GLIS3: variants seen among roughly 807,000 people sequenced by gnomAD.
GLIS3 encodes GLIS family zinc finger 3.
A neutral mutation model predicts 78.6 loss-of-function variants in GLIS3; 53 were observed. The observed-to-expected ratio is 0.67, with a 90% CI of 0.54 to 0.85. GLIS3 has a LOEUF of 0.85. Among genes scored for constraint, GLIS3 ranks in the 40% least tolerant of loss-of-function variants. The pLI is 0.00. For missense variants in GLIS3, 1,703 were observed against 1,231.1 expected, an observed-to-expected ratio of 1.38 and a Z score of -5.74; for synonymous variants, 684 against 509.9, an observed-to-expected ratio of 1.34 and a Z score of -4.60.
chr9:4,046,615 T>A (rs545443512), intron 4 of GLIS3, among the ~76,000 whole-genome samples: 1 of 152,324 alleles, frequency 6.6e-6, no homozygotes, highest in East Asian at 1.9e-4. Context: ...ATTAGGTAGG[T>A]AATAAATCTT....
At chr9:4,141,301 G>A (rs1833795265) in intron 2 of GLIS3, among the ~76,000 whole-genome samples, 1 of 152,152 alleles carries the variant, frequency 6.6e-6, no homozygotes, top group Non-Finnish European at 1.5e-5. Flanking sequence ...TCCCAAGGAA[G>A]GCAGTGGGGG....
chr9:4,183,190 C>G (rs1179629637), intron 2 of GLIS3, among the ~76,000 whole-genome samples: 2 of 152,164 alleles, frequency 1.3e-5, no homozygotes, highest in Non-Finnish European at 2.9e-5. Context: ...GAGAAACAGG[C>G]TGAAGCCAGG....
chr9:4,335,628 C>G (rs1214029886), intron 2 of GLIS3, among the ~76,000 whole-genome samples: 1 of 152,134 alleles, frequency 6.6e-6, no homozygotes, highest in Non-Finnish European at 1.5e-5. Context: ...ACCTGTAGTA[C>G]CCTAAGTAGC....
chr9:4,119,133 T>C (rs942108536), intron 3 of GLIS3, among the ~76,000 whole-genome samples: 1 of 152,200 alleles, frequency 6.6e-6, no homozygotes, highest in Non-Finnish European at 1.5e-5. Flanking sequence ...TCTATTGTTA[T>C]AAATAATCTT....
intron 4 of GLIS3, among the ~76,000 whole-genome samples, chr9:4,085,175 C>A (rs1205370483): frequency 2.6e-5 from 4 of 152,098 alleles, no homozygotes; most frequent in Non-Finnish European, 4.4e-5. Flanking sequence ...CACTAAGGAA[C>A]ACTCCTTGCT....
chr9:3,865,608 G>C (rs953518286), intron 8 of GLIS3, among the ~76,000 whole-genome samples: 1 of 152,204 alleles, frequency 6.6e-6, no homozygotes, highest in Non-Finnish European at 1.5e-5. Context: ...TTGTAATAAA[G>C]TAGAGGTTGC....
the GLIS3 span, among the ~76,000 whole-genome samples, chr9:4,426,189 T>C: frequency 6.6e-6 from 1 of 152,130 alleles, no homozygotes; most frequent in African/African-American, 2.4e-5. Context: ...TCTGATTTCC[T>C]CCTTGGGATA....
the GLIS3 span, among the ~76,000 whole-genome samples, chr9:4,427,082 A>G: frequency 6.6e-6 from 1 of 152,204 alleles, no homozygotes; most frequent in Non-Finnish European, 1.5e-5. Flanking sequence ...AATGAAAGTG[A>G]ATTATCCATA....
intron 4 of GLIS3, among the ~76,000 whole-genome samples, chr9:4,014,856 G>A (rs1291376158): frequency 6.6e-6 from 1 of 152,172 alleles, no homozygotes; most frequent in Non-Finnish European, 1.5e-5. Flanking sequence ...TACTGGCAGA[G>A]CTAGGACAAT....
chr9:3,824,307 G>T lies in GLIS3; in HGVS notation c.*3965C>A, dbSNP rs1161458956. On this transcript the variant is annotated 3_prime_UTR_variant, in exon 11 of 11. Coordinates refer to ENST00000381971, the MANE Select transcript of GLIS3 (RefSeq NM_001042413.2). ...AAAGCAATGCAGCATTTTAAAGCTG[G>T]ACTTGAACATTCCCTCCCGCATCAT... The T allele has an allele frequency of 6.6e-6, 1 of 152,470 alleles. No individual in the cohort carries two copies. The highest frequency in any genetic ancestry group is 1.5e-5 in the Non-Finnish European group (1 of 68,026). The allele number at this position is 152,470 out of a possible 1,614,324, so 9.4% of individuals were successfully genotyped here.
intron 4 of GLIS3, among the ~76,000 whole-genome samples, chr9:3,976,630 C>A (rs1477477769): frequency 6.6e-6 from 1 of 151,198 alleles, no homozygotes; most frequent in African/African-American, 2.4e-5. Context: ...TTCAGAACAT[C>A]TCAATCAGGC....
chr9:4,047,353 T>G (rs112175322), intron 4 of GLIS3, among the ~76,000 whole-genome samples: 5 of 152,210 alleles, frequency 3.3e-5, no homozygotes, highest in African/African-American at 1.2e-4. Flanking sequence ...AGTATCTTGA[T>G]AGTAGTGTGA....
At chr9:3,979,879 A>T (rs1376292164) in intron 4 of GLIS3, among the ~76,000 whole-genome samples, 1 of 152,104 alleles carries the variant, frequency 6.6e-6, no homozygotes, top group Non-Finnish European at 1.5e-5. Flanking sequence ...TAAAGTCACC[A>T]CTCTCATGTG....
At chr9:4,129,865 G>A (rs753118738) in intron 2 of GLIS3, among the ~76,000 whole-genome samples, 1 of 152,146 alleles carries the variant, frequency 6.6e-6, no homozygotes, top group Non-Finnish European at 1.5e-5. Flanking sequence ...AGGAAGATGT[G>A]GAAAATAGTG....
intron 8 of GLIS3, among the ~76,000 whole-genome samples, chr9:3,864,110 G>T (rs534966747): frequency 6.6e-6 from 1 of 152,080 alleles, no homozygotes; most frequent in Non-Finnish European, 1.5e-5. Flanking sequence ...TTTATCCAGA[G>T]TGGTCCTAGA....
chr9:4,193,949 G>A (rs1478561183), intron 2 of GLIS3, among the ~76,000 whole-genome samples: 1 of 152,214 alleles, frequency 6.6e-6, no homozygotes, highest in East Asian at 1.9e-4. Context: ...ACCAGATGTT[G>A]TGGTTCTGGC....
At chr9:4,321,314 C>T (rs71490227) in intron 2 of GLIS3, among the ~76,000 whole-genome samples, 2,125 of 95,354 alleles carry the variant, frequency 0.022, 358 homozygotes, top group East Asian at 0.066. Flanking sequence ...CCCAGCTACT[C>T]GGGAGGCTGA....
intron 2 of GLIS3, among the ~76,000 whole-genome samples, chr9:4,323,668 T>G (rs1227883746): frequency 6.6e-6 from 1 of 152,234 alleles, no homozygotes; most frequent in African/African-American, 2.4e-5. Flanking sequence ...GCATCATGTA[T>G]GTCTCCTCTG....
the GLIS3 span, among the ~76,000 whole-genome samples, chr9:4,382,740 A>G: frequency 6.6e-6 from 1 of 152,130 alleles, no homozygotes; most frequent in African/African-American, 2.4e-5. Flanking sequence ...ATATTTTAAT[A>G]CCTCTCAGAT....
Sources: gnomAD v4.1 joint callset for allele counts (sites outside exome capture counted in the v4.1 genomes callset) on GRCh38, gnomAD v4.1.1 for gene constraint, MANE v1.5 for transcripts, NCBI Gene and HGNC (gene_info 2026-07-23, HGNC 2026-07-21) for gene names.